Variants in RABGAP1 observed in about 807,000 individuals in gnomAD.
The protein encoded by RABGAP1 is RAB GTPase activating protein 1.
A neutral mutation model predicts 137.6 loss-of-function variants in RABGAP1; 23 were observed. The observed-to-expected ratio is 0.17, with a 90% CI of 0.12 to 0.24. The LOEUF is 0.24. Among genes scored for constraint, RABGAP1 ranks in the 10% least tolerant of loss-of-function variants. The pLI is 1.00. For synonymous variants in RABGAP1, 451 were observed against 450.7 expected (o/e 1.00, Z -0.01); for missense variants, 906 against 1,275.8 (o/e 0.71, Z 4.42).
Position 122,986,203 on chromosome 9 carries a change from T to G in RABGAP1, c.386-12T>G, listed in dbSNP as rs530428778. 1 of 1,608,862 alleles carries G rather than the reference T, an allele frequency of 6.2e-7. No homozygotes were observed. Among genetic ancestry groups the G allele is most frequent in the Non-Finnish European group, 8.5e-7 (1 of 1,176,058 alleles). On this transcript the variant is annotated splice_polypyrimidine_tract_variant and intron_variant, in intron 3 of 25. Coordinates refer to ENST00000373647, the MANE Select transcript of RABGAP1 (RefSeq NM_012197.4). ...TGAAAGTAATCACTTCCTTATTCAT[T>G]GTTTCTTTCAGATTCTGAAGCTTCA...
At chr9:123,055,546 CTTTTTTT>C (rs930532167) in intron 13 of RABGAP1, among the ~76,000 whole-genome samples, 7 of 121,964 alleles carry the variant, frequency 5.7e-5, no homozygotes, top group African/African-American at 1.9e-4. Flanking sequence ...ATTTCTTCTT[CTTTTTTT>C]TTTTTTTTTT....
Position 122,984,619 on chromosome 9 carries a change from T to G in RABGAP1, c.285T>G (p.Pro95=). ...RSQLDGEGDG[P]LSNQLSASST... is the part of the protein sequence containing the mutation. ...AACTGGATGGTGAAGGAGATGGGCCTCTTTCTAATCAGCTCTCCGCTTCAT... is the reference window on the plus strand; with the variant it reads ...AACTGGATGGTGAAGGAGATGGGCCGCTTTCTAATCAGCTCTCCGCTTCAT... Residue 95 remains proline (P), a synonymous_variant, in exon 3 of 26, where the codon CCT becomes CCG. Coordinates refer to ENST00000373647, the MANE Select transcript of RABGAP1 (RefSeq NM_012197.4). 6.2e-7 allele frequency: 1 copy of G among 1,614,208 alleles called. No homozygotes were observed. Among genetic ancestry groups the G allele is most frequent in the Non-Finnish European group, 8.5e-7 (1 of 1,180,042 alleles).
At chr9:123,013,439 C>A (rs752882378) in intron 11 of RABGAP1, among the ~76,000 whole-genome samples, 10 of 152,008 alleles carry the variant, frequency 6.6e-5, no homozygotes, top group Non-Finnish European at 1.5e-4. Context: ...TCAAGTGATT[C>A]TCCTGCCTCA....
At chr9:122,935,445 C>T in the RABGAP1 span, among the ~76,000 whole-genome samples, 2 of 152,110 alleles carry the variant, frequency 1.3e-5, no homozygotes. Context: ...TCAATTGATT[C>T]TCCTGCCTCA....
At chr9:123,098,827 G>A in intron 23 of RABGAP1, 29 bp downstream of exon 23, 1 of 1,562,884 alleles carries the variant, frequency 6.4e-7, no homozygotes, top group Non-Finnish European at 8.8e-7. Flanking sequence ...GGATTGGGCT[G>A]TGTAATCTGG....
At chr9:123,102,263 C>T (rs1207723380) in intron 25 of RABGAP1, among the ~76,000 whole-genome samples, 2 of 152,182 alleles carry the variant, frequency 1.3e-5, no homozygotes, top group Non-Finnish European at 2.9e-5. Context: ...AATATACTAC[C>T]TATCTGAGCC....
intron 13 of RABGAP1, among the ~76,000 whole-genome samples, chr9:123,058,305 G>T (rs377269618): frequency 6.6e-6 from 1 of 151,426 alleles, no homozygotes; most frequent in Non-Finnish European, 1.5e-5. Flanking sequence ...AATATGAAAA[G>T]ATACAATATT....
chr9:123,054,309 A>G (rs1443459357), intron 13 of RABGAP1, among the ~76,000 whole-genome samples: 1 of 152,198 alleles, frequency 6.6e-6, no homozygotes, highest in Non-Finnish European at 1.5e-5. Flanking sequence ...TTATTCCACA[A>G]ATTTAGTCCA....
At chr9:123,099,836 GAGA>G (rs1307812981) in intron 24 of RABGAP1, among the ~76,000 whole-genome samples, 19 of 152,366 alleles carry the variant, frequency 1.2e-4, no homozygotes, top group Admixed American at 3.9e-4. Flanking sequence ...TGATGCTGAG[GAGA>G]AGGAGTCATG....
At chr9:123,071,469 C>G (rs1465958962) in intron 15 of RABGAP1, 1 of 152,184 alleles carries the variant, frequency 6.6e-6, no homozygotes, top group Non-Finnish European at 1.5e-5. Flanking sequence ...TTTTGAGTAC[C>G]TGTTATGATC....
chr9:123,010,564 G>C (rs1322683039), intron 11 of RABGAP1, 36 bp downstream of exon 11: 2 of 1,568,590 alleles, frequency 1.3e-6, no homozygotes, highest in East Asian at 4.5e-5. Context: ...ATTTTTGGGG[G>C]TGGAAGACCA....
At chr9:122,994,156 G>A (rs1836897308) in intron 6 of RABGAP1, among the ~76,000 whole-genome samples, 1 of 152,078 alleles carries the variant, frequency 6.6e-6, no homozygotes, top group Non-Finnish European at 1.5e-5. Context: ...TTCCCTACTT[G>A]GATACATTCA....
chr9:123,020,618 G>A (rs1192568626), intron 13 of RABGAP1, among the ~76,000 whole-genome samples, 159 bp downstream of exon 13: 1 of 152,058 alleles, frequency 6.6e-6, no homozygotes, highest in Non-Finnish European at 1.5e-5. Context: ...TCTGTTGCAC[G>A]AAGAAGTCAT....
chr9:122,970,313 A>G (rs1436307295), intron 2 of RABGAP1, among the ~76,000 whole-genome samples: 1 of 152,194 alleles, frequency 6.6e-6, no homozygotes, highest in Non-Finnish European at 1.5e-5. Flanking sequence ...GTGTACCTGT[A>G]GTTCCAGCTG....
intron 3 of RABGAP1, among the ~76,000 whole-genome samples, chr9:122,985,322 G>A (rs1836310539): frequency 6.6e-6 from 1 of 152,192 alleles, no homozygotes; most frequent in South Asian, 2.1e-4. Context: ...AGCTCAGAAA[G>A]ATGACAGTTA....
intron 17 of RABGAP1, 65 bp downstream of exon 17, chr9:123,074,493 G>C (rs1426007542): frequency 1.4e-6 from 2 of 1,452,014 alleles, no homozygotes; most frequent in East Asian, 2.4e-5. Flanking sequence ...AACAGATTCT[G>C]TTTTGAGTGT....
Position 123,020,582 on chromosome 9 carries a change from A to C in RABGAP1, c.1794+123A>C. Reference sequence around the variant, plus strand: ...TAATTTATTTAAGAATAGAACTGTTAATACTTCCAGCTCTAACATGTTTTT... The same window carrying C: ...TAATTTATTTAAGAATAGAACTGTTCATACTTCCAGCTCTAACATGTTTTT... On this transcript the variant is annotated intron_variant, in intron 13 of 25. Transcript: ENST00000373647. 3.0e-6 allele frequency: 3 copies of C among 1,012,380 alleles called. No homozygotes were observed. The East Asian group carries it at 9.7e-5, about 33-fold the overall frequency. The allele number at this position is 1,012,380 out of a possible 1,614,324, so 62.7% of individuals were successfully genotyped here.
At chr9:123,006,590 T>C (rs10818776) in intron 10 of RABGAP1, among the ~76,000 whole-genome samples, 33,689 of 152,010 alleles carry the variant, frequency 0.22, 5,218 homozygotes, top group East Asian at 0.65. Context: ...CGGTTGTAAT[T>C]ATGTAGACTT....
At chr9:123,031,286 A>C (rs1325541882) in intron 13 of RABGAP1, among the ~76,000 whole-genome samples, 1 of 152,196 alleles carries the variant, frequency 6.6e-6, no homozygotes, top group Non-Finnish European at 1.5e-5. Context: ...AACTCTCAAA[A>C]ATCACTCCTT....
Sources: allele counts gnomAD v4.1 joint callset (sites outside exome capture counted in the v4.1 genomes callset), GRCh38; gene constraint gnomAD v4.1.1; transcripts MANE v1.5; gene names NCBI Gene and HGNC (gene_info 2026-07-23, HGNC 2026-07-21).